Variants in FSIP1 observed in about 807,000 individuals in gnomAD.
FSIP1 encodes fibrous sheath-interacting protein 1.
In FSIP1, 65 loss-of-function variants were observed where a neutral mutation model predicts 60.9. The observed-to-expected ratio is 1.07, with a 90% CI of 0.87 to 1.31. The LOEUF is 1.31. Ranked by LOEUF, FSIP1 falls within the 40% of genes most tolerant of loss-of-function variation. The probability of loss-of-function intolerance (pLI) is 0.00; values close to 1 mark genes in which losing one functional copy is unlikely to be tolerated. For synonymous variants in FSIP1, 209 were observed against 221.2 expected, an observed-to-expected ratio of 0.94 and a Z score of 0.49; for missense variants, 675 against 665.5, an observed-to-expected ratio of 1.01 and a Z score of -0.16.
chr15:39,694,489 A>C (rs538265804), intron 10 of FSIP1, among the ~76,000 whole-genome samples: 1 of 152,332 alleles, frequency 6.6e-6, no homozygotes, highest in African/African-American at 2.4e-5. Flanking sequence ...ATTTACGTGC[A>C]AAGTTTGAAT....
chr15:39,658,251 A>ATTTT (rs71132110), intron 10 of FSIP1, among the ~76,000 whole-genome samples: 1 of 105,290 alleles, frequency 9.5e-6, no homozygotes, highest in African/African-American at 3.3e-5. Flanking sequence ...AGCAGACATG[A>ATTTT]TTTTTTTTTT....
At chr15:39,635,570 A>G (rs1300975038) in intron 10 of FSIP1, among the ~76,000 whole-genome samples, 1 of 152,122 alleles carries the variant, frequency 6.6e-6, no homozygotes, top group African/African-American at 2.4e-5. Flanking sequence ...TCTGGGAACA[A>G]TCGGATGGGG....
intron 8 of FSIP1, among the ~76,000 whole-genome samples, chr15:39,729,662 A>T (rs1028457021): frequency 5.3e-5 from 8 of 152,222 alleles, no homozygotes; most frequent in Non-Finnish European, 1.2e-4. Context: ...AATAGACTGG[A>T]TAAAGAAAAT....
intron 11 of FSIP1, among the ~76,000 whole-genome samples, chr15:39,615,937 A>C (rs980475375): frequency 1.3e-5 from 2 of 151,214 alleles, no homozygotes; most frequent in Non-Finnish European, 2.9e-5. Context: ...AAAATAACTA[A>C]GAGTAAATTT....
chr15:39,636,965 G>C (rs1329712755), intron 10 of FSIP1, among the ~76,000 whole-genome samples: 1 of 152,144 alleles, frequency 6.6e-6, no homozygotes, highest in South Asian at 2.1e-4. Context: ...CACCAGCCCA[G>C]TTTTTCAAGT....
At chr15:39,715,604 T>C (rs1203798057) in intron 9 of FSIP1, among the ~76,000 whole-genome samples, 1 of 152,194 alleles carries the variant, frequency 6.6e-6, no homozygotes, top group East Asian at 1.9e-4. Flanking sequence ...TATTTTATAT[T>C]TGGCTTCATT....
At chr15:39,622,999 C>T (rs1057476853) in intron 10 of FSIP1, among the ~76,000 whole-genome samples, 3 of 151,712 alleles carry the variant, frequency 2.0e-5, no homozygotes, top group Non-Finnish European at 4.4e-5. Flanking sequence ...ATATATAGTG[C>T]CCTCTCTTTT....
chr15:39,622,133 C>A (rs1891461547), intron 10 of FSIP1, among the ~76,000 whole-genome samples: 1 of 151,192 alleles, frequency 6.6e-6, no homozygotes, highest in Non-Finnish European at 1.5e-5. Context: ...CATAACTGAA[C>A]CACTCACTGT....
chr15:39,739,621 T>C, intron 7 of FSIP1, 44 bp downstream of exon 7: 1 of 1,555,016 alleles, frequency 6.4e-7, no homozygotes, highest in South Asian at 1.2e-5. Context: ...TTTTTTCAAC[T>C]CATTTAGCCC....
intron 10 of FSIP1, among the ~76,000 whole-genome samples, chr15:39,705,981 G>C (rs1185815546): frequency 7.4e-6 from 1 of 134,362 alleles, no homozygotes; most frequent in Non-Finnish European, 1.6e-5. Flanking sequence ...CTAGGCAACA[G>C]AGTGAGACTC....
intron 9 of FSIP1, among the ~76,000 whole-genome samples, chr15:39,723,400 T>C (rs1896063605): frequency 1.3e-5 from 2 of 152,074 alleles, no homozygotes; most frequent in South Asian, 4.1e-4. Flanking sequence ...GGCTAATTTT[T>C]TGGTATTTTT....
At chr15:39,718,671 T>G (rs1895843331) in intron 9 of FSIP1, among the ~76,000 whole-genome samples, 1 of 151,924 alleles carries the variant, frequency 6.6e-6, no homozygotes, top group Non-Finnish European at 1.5e-5. Flanking sequence ...TGATTTTTTT[T>G]GTATGAAGAA....
At chr15:39,694,626 G>A (rs972929870) in intron 10 of FSIP1, among the ~76,000 whole-genome samples, 4 of 151,662 alleles carry the variant, frequency 2.6e-5, no homozygotes, top group Admixed American at 6.6e-5. Context: ...CATGGGGAAC[G>A]CCGTCTCTAC....
At chr15:39,777,157 C>A (rs1033140562) in intron 1 of FSIP1, among the ~76,000 whole-genome samples, 14 of 152,032 alleles carry the variant, frequency 9.2e-5, no homozygotes, top group Non-Finnish European at 2.1e-4. Flanking sequence ...TGGTGTCAAA[C>A]TCCTGACCTC....
At chr15:39,765,798 G>T in intron 3 of FSIP1, 52 bp from the exon 4 acceptor site, 1 of 1,007,248 alleles carries the variant, frequency 9.9e-7, no homozygotes, top group Non-Finnish European at 1.4e-6. Context: ...AAACTATAAA[G>T]TTTTGTTTTG....
At chr15:39,718,297 C>T (rs1336475359) in intron 9 of FSIP1, among the ~76,000 whole-genome samples, 2 of 147,364 alleles carry the variant, frequency 1.4e-5, no homozygotes, top group African/African-American at 2.6e-5. Context: ...TAATTATATA[C>T]ATATATATGT....
intron 10 of FSIP1, among the ~76,000 whole-genome samples, chr15:39,627,237 A>G (rs1595546584): frequency 6.6e-6 from 1 of 152,220 alleles, no homozygotes; most frequent in Non-Finnish European, 1.5e-5. Flanking sequence ...GCCTGCTGCC[A>G]GGCTGAGCAG....
At chr15:39,739,620 C>T (rs1430851213) in intron 7 of FSIP1, 45 bp downstream of exon 7, 2 of 1,550,466 alleles carry the variant, frequency 1.3e-6, no homozygotes, top group Non-Finnish European at 8.7e-7. Context: ...TTTTTTTCAA[C>T]TCATTTAGCC....
At chr15:39,699,353 A>T (rs1263691223) in intron 10 of FSIP1, among the ~76,000 whole-genome samples, 5 of 152,224 alleles carry the variant, frequency 3.3e-5, no homozygotes, top group African/African-American at 1.2e-4. Context: ...ATTAAAGAAA[A>T]ATCCAACAAA....
Sources: gnomAD v4.1 joint callset for allele counts (sites outside exome capture counted in the v4.1 genomes callset) on GRCh38, gnomAD v4.1.1 for gene constraint, MANE v1.5 for transcripts, NCBI Gene and HGNC (gene_info 2026-07-23, HGNC 2026-07-21) for gene names.